CNTN1: variants seen among roughly 807,000 people sequenced by gnomAD.
CNTN1 encodes the protein contactin-1.
In CNTN1, 38 loss-of-function variants were observed where a neutral mutation model predicts 126.4. The ratio of observed to expected loss-of-function variants is 0.30; its 90% CI spans 0.23 to 0.39. The LOEUF (loss-of-function observed/expected upper bound fraction) is 0.39, where lower values mean the gene tolerates loss of function less well. Ranked by LOEUF, CNTN1 falls within the 10% of genes least tolerant of loss-of-function variation. CNTN1 has a pLI of 1.00. For synonymous variants in CNTN1, 413 were observed against 422.6 expected (o/e 0.98, Z 0.28); for missense variants, 1,009 against 1,248.4 (o/e 0.81, Z 2.89).
chr12:40,769,118 T>C (rs1022930714), intron 1 of CNTN1, among the ~76,000 whole-genome samples: 1 of 152,150 alleles, frequency 6.6e-6, no homozygotes, highest in Non-Finnish European at 1.5e-5. Context: ...CAAAGTCAGA[T>C]ATACCATAGT....
intron 1 of CNTN1, among the ~76,000 whole-genome samples, chr12:40,821,293 T>C (rs1416877394): frequency 6.6e-6 from 1 of 152,226 alleles, no homozygotes; most frequent in Non-Finnish European, 1.5e-5. Context: ...TTGGTGACTC[T>C]CATGGGGCAG....
At chr12:41,027,723 G>A (rs1413599028) in intron 21 of CNTN1, 134 bp from the exon 22 acceptor site, 3 of 704,720 alleles carry the variant, frequency 4.3e-6, no homozygotes, top group Middle Eastern at 3.4e-4. Context: ...ATAGTGCCTG[G>A]CATATAGTAA....
intron 1 of CNTN1, among the ~76,000 whole-genome samples, chr12:40,697,580 C>G (rs1941482733): frequency 6.6e-6 from 1 of 152,186 alleles, no homozygotes; most frequent in Admixed American, 6.5e-5. Context: ...AGTAGTGTCT[C>G]TTTGTAGCTT....
intron 23 of CNTN1, among the ~76,000 whole-genome samples, chr12:41,031,275 T>C (rs1293461415): frequency 6.6e-6 from 1 of 152,180 alleles, no homozygotes; most frequent in Non-Finnish European, 1.5e-5. Flanking sequence ...GTGGTGTAAA[T>C]ATTCTCATTA....
chr12:40,799,702 C>T (rs1940572831), intron 1 of CNTN1, among the ~76,000 whole-genome samples: 1 of 151,932 alleles, frequency 6.6e-6, no homozygotes, highest in Non-Finnish European at 1.5e-5. Flanking sequence ...AAGCATAAAG[C>T]ATGGTGACAG....
At chr12:41,005,297 C>A (rs759408821) in intron 17 of CNTN1, among the ~76,000 whole-genome samples, 8 of 152,158 alleles carry the variant, frequency 5.3e-5, no homozygotes, top group Non-Finnish European at 1.0e-4. Flanking sequence ...GCTGAAAGGT[C>A]CATTTTTAGT....
At chr12:40,830,928 TACATATAC>T (rs199816332) in intron 1 of CNTN1, among the ~76,000 whole-genome samples, 8,864 of 41,678 alleles carry the variant, frequency 0.21, 588 homozygotes, top group East Asian at 0.45. Flanking sequence ...TAGTTACATA[TACATATAC>T]ATATATATAT....
intron 1 of CNTN1, among the ~76,000 whole-genome samples, chr12:40,722,916 A>G (rs928989987): frequency 1.3e-5 from 2 of 152,090 alleles, no homozygotes; most frequent in African/African-American, 4.8e-5. Context: ...TATGTAAAGG[A>G]AAGGTGTTTT....
chr12:41,020,424 T>C lies in CNTN1; in HGVS notation c.2507T>C (p.Ile836Thr). ...SVHWEHVLEK[I>T]VESYQIRYWA... ...CATTGGGAACATGTTTTAGAAAAAA[T>C]AGTGGAAAGCTATCAGGTACGTTAA... is the stretch of plus-strand genomic sequence containing the variant. The change falls in exon 20 of 24, where the codon ATA becomes ACA. Residue 836 changes from isoleucine to threonine, a missense_variant. Ile to Thr is a moderately conservative substitution (Grantham distance 89). Transcript: ENST00000551295. The C allele has an allele frequency of 6.2e-7, 1 of 1,607,850 alleles. No individual in the cohort carries two copies. The highest frequency in any genetic ancestry group is 1.1e-5 in the South Asian group (1 of 90,700).
rs186437241 is a variant in CNTN1 at position 41,057,993 on chromosome 12, C to G, written c.2981-11966C>G. On this transcript the variant is annotated intron_variant, in intron 23 of 23. Transcript: ENST00000551295. ...ATTATGAATAATTAAGTGCATGGTA[C>G]CTCATGAACTGAACTAAGTAGTGCA... Among the ~76,000 whole-genome samples, 3 of 152,026 alleles carry G rather than the reference C, an allele frequency of 2.0e-5. No individual in the cohort carries two copies. In the East Asian group the frequency reaches 5.8e-4, roughly 29 times the overall value.
intron 1 of CNTN1, among the ~76,000 whole-genome samples, chr12:40,870,017 T>C (rs1179272733): frequency 6.6e-6 from 1 of 152,158 alleles, no homozygotes; most frequent in Non-Finnish European, 1.5e-5. Context: ...GTTCTCATGA[T>C]AGTGAGTGGG....
In CNTN1 at chr12:40,766,478, C is replaced by T. The variant is rs1045662950; in HGVS notation, c.-77+73886C>T. On this transcript the variant is annotated intron_variant, in intron 1 of 23. Transcript: ENST00000551295. ...AAATAATCAGAGAACTGTACCATCA[C>T]CTCTGAGATAATTAGAAATGTGTGT... Among the ~76,000 whole-genome samples, 3 of 152,072 alleles carry T rather than the reference C, an allele frequency of 2.0e-5. No homozygotes were observed. In the South Asian group the frequency reaches 6.2e-4, roughly 32 times the overall value.
intron 16 of CNTN1, among the ~76,000 whole-genome samples, chr12:40,987,721 A>T (rs1947992678): frequency 6.6e-6 from 1 of 152,184 alleles, no homozygotes. Context: ...TATACTTTAG[A>T]TTATTTCCCT....
intron 5 of CNTN1, among the ~76,000 whole-genome samples, chr12:40,923,081 AC>A (rs1369443747): frequency 6.6e-6 from 1 of 151,870 alleles, no homozygotes; most frequent in Admixed American, 6.6e-5. Context: ...AGAAAATGTC[AC>A]ATATTGCAAC....
chr12:40,909,186 A>C (rs891179338), intron 2 of CNTN1, among the ~76,000 whole-genome samples: 2 of 152,026 alleles, frequency 1.3e-5, no homozygotes, highest in Non-Finnish European at 2.9e-5. Flanking sequence ...GACTAATAAA[A>C]CAATTTTGAG....
chr12:40,743,131 G>GGGACA (rs1665222896), intron 1 of CNTN1, among the ~76,000 whole-genome samples: 1 of 152,000 alleles, frequency 6.6e-6, no homozygotes. Flanking sequence ...GAGAATAATT[G>GGGACA]GGACAGTTTT....
At chr12:40,747,670 C>G (rs1226588072) in intron 1 of CNTN1, among the ~76,000 whole-genome samples, 2 of 151,944 alleles carry the variant, frequency 1.3e-5, no homozygotes, top group Non-Finnish European at 2.9e-5. Context: ...AGTAAGGAAT[C>G]TAGTCAGGAA....
Position 40,897,758 on chromosome 12 carries a change from G to A in CNTN1, c.-76-10599G>A, listed in dbSNP as rs142573661. ...GGGGGCACCAGGTTAAGGTAGCCCC[G>A]TAATTTCCCCAGTATCTGTTCTGGT... On this transcript the variant is annotated intron_variant, in intron 1 of 23. Coordinates refer to ENST00000551295, the MANE Select transcript of CNTN1 (RefSeq NM_001843.4). 4.7e-3 allele frequency among the ~76,000 whole-genome samples: 719 copies of A among 152,234 alleles called. 6 individuals are homozygous for A. Among genetic ancestry groups the A allele is most frequent in the African/African-American group, 0.013 (536 of 41,550 alleles).
chr12:40,886,719 T>C (rs1325445450), intron 1 of CNTN1, among the ~76,000 whole-genome samples: 1 of 152,222 alleles, frequency 6.6e-6, no homozygotes, highest in Admixed American at 6.5e-5. Flanking sequence ...TGTAAGTCTT[T>C]AATCCATCTT....
Sources: allele counts gnomAD v4.1 joint callset (sites outside exome capture counted in the v4.1 genomes callset), GRCh38; gene constraint gnomAD v4.1.1; transcripts MANE v1.5; gene names NCBI Gene and HGNC (gene_info 2026-07-23, HGNC 2026-07-21).